Variants in GLIS1 observed in about 807,000 individuals in gnomAD.
GLIS1 encodes the protein zinc finger protein GLIS1.
In GLIS1, 24 loss-of-function variants were observed where a neutral mutation model predicts 63.8. The ratio of observed to expected loss-of-function variants is 0.38; its 90% CI spans 0.27 to 0.53. GLIS1 has a LOEUF of 0.53. Among genes scored for constraint, GLIS1 ranks in the 20% least tolerant of loss-of-function variants. The probability of loss-of-function intolerance (pLI) is 0.85; values close to 1 mark genes in which losing one functional copy is unlikely to be tolerated. For missense variants in GLIS1, 1,036 were observed against 1,074.1 expected (o/e 0.96, Z 0.50); for synonymous variants, 450 against 482.5 (o/e 0.93, Z 0.88).
chr1:53,548,447 T>C (rs1003520497), intron 4 of GLIS1, among the ~76,000 whole-genome samples: 3 of 152,242 alleles, frequency 2.0e-5, no homozygotes, highest in Admixed American at 2.0e-4. Context: ...GCTCCAGCTA[T>C]GCTAATACCC....
Position 53,650,149 on chromosome 1 carries a change from A to G in GLIS1, c.260-49871T>C, listed in dbSNP as rs1045381850. 5.3e-5 allele frequency among the ~76,000 whole-genome samples: 8 copies of G among 152,314 alleles called. No homozygotes were observed. The South Asian group carries it at 8.3e-4, about 16-fold the overall frequency. On this transcript the variant is annotated intron_variant, in intron 2 of 10. Coordinates refer to ENST00000628545, the MANE Select transcript of GLIS1 (RefSeq NM_001367484.1). ...GTTCAAGTCACAGTTTGGGTGGTTA[A>G]TTATATTGAAACAGGGGTGGGGGTG...
At chr1:53,736,233 T>C (rs1331902309) in intron 2 of GLIS1, among the ~76,000 whole-genome samples, 1 of 152,220 alleles carries the variant, frequency 6.6e-6, no homozygotes, top group African/African-American at 2.4e-5. Context: ...CTTAAAGATC[T>C]TTTATTTTGG....
chr1:53,675,601 A>G (rs4927027), intron 2 of GLIS1, among the ~76,000 whole-genome samples: 48,713 of 152,156 alleles, frequency 0.32, 8,769 homozygotes, highest in African/African-American at 0.5. Context: ...GTGCAAACAC[A>G]CAGGTGTCAC....
At chr1:53,692,221 G>A (rs917855796) in intron 2 of GLIS1, among the ~76,000 whole-genome samples, 26 of 152,222 alleles carry the variant, frequency 1.7e-4, no homozygotes, top group Admixed American at 3.3e-4. Flanking sequence ...CCCTTTGAAC[G>A]AAGCACACCA....
intron 2 of GLIS1, among the ~76,000 whole-genome samples, chr1:53,666,203 A>C (rs1241503244): frequency 6.6e-6 from 1 of 152,158 alleles, no homozygotes; most frequent in Non-Finnish European, 1.5e-5. Context: ...TCACCTGTTA[A>C]CTGAGCACCT....
At chr1:53,714,187 C>T (rs1348854672) in intron 2 of GLIS1, among the ~76,000 whole-genome samples, 1 of 152,180 alleles carries the variant, frequency 6.6e-6, no homozygotes, top group Non-Finnish European at 1.5e-5. Context: ...ACCACAAGCT[C>T]CAAGAATCGC....
At chr1:53,664,345 T>G (rs577226760) in intron 2 of GLIS1, among the ~76,000 whole-genome samples, 2 of 152,360 alleles carry the variant, frequency 1.3e-5, no homozygotes, top group African/African-American at 4.8e-5. Flanking sequence ...CAGAGTACGA[T>G]GTACTGCTGA....
intron 2 of GLIS1, among the ~76,000 whole-genome samples, chr1:53,649,881 C>T (rs1645887522): frequency 6.6e-6 from 1 of 152,158 alleles, no homozygotes; most frequent in Admixed American, 6.5e-5. Flanking sequence ...TTCTGATCAA[C>T]AGTAGGTCAT....
chr1:53,620,489 C>T (rs1645531299), intron 2 of GLIS1, among the ~76,000 whole-genome samples: 1 of 152,236 alleles, frequency 6.6e-6, no homozygotes, highest in Admixed American at 6.5e-5. Flanking sequence ...GCACAGGGAC[C>T]CCGTCGGCGG....
At chr1:53,711,547 G>C (rs188404820) in intron 2 of GLIS1, among the ~76,000 whole-genome samples, 1 of 152,116 alleles carries the variant, frequency 6.6e-6, no homozygotes, top group Admixed American at 6.5e-5. Context: ...CAGGGAGCTC[G>C]GGCCCCGGGG....
intron 4 of GLIS1, among the ~76,000 whole-genome samples, chr1:53,553,492 A>G (rs545733573): frequency 6.6e-6 from 1 of 152,350 alleles, no homozygotes; most frequent in Non-Finnish European, 1.5e-5. Context: ...CACAGTGGTG[A>G]GCAAGACACA....
intron 4 of GLIS1, among the ~76,000 whole-genome samples, chr1:53,548,823 G>A (rs772901473): frequency 3.9e-5 from 6 of 152,288 alleles, no homozygotes; most frequent in African/African-American, 7.2e-5. Flanking sequence ...TGAAGTATAC[G>A]ATTCAGTGAT....
rs372402173 is a variant in GLIS1 at position 53,506,685 on chromosome 1, G to A, written c.2322C>T (p.Gly774=). The change falls in exon 11 of 11, where the codon GGC becomes GGT. Residue 774 remains glycine (G), a synonymous_variant. Transcript: ENST00000628545. The part of the protein sequence containing the change: ...DVVSSGPEDC[G]FFPNGAFDHC... ...GGTCAAAGGCTCCATTGGGGAAGAA[G>A]CCACAGTCCTCGGGGCCGCTGGACA... is the stretch of plus-strand genomic sequence containing the variant. The A allele has an allele frequency of 6.2e-7, 1 of 1,613,484 alleles. No homozygotes were observed. The highest frequency in any genetic ancestry group is 1.3e-5 in the African/African-American group (1 of 74,928).
intron 2 of GLIS1, among the ~76,000 whole-genome samples, chr1:53,668,431 A>G (rs905694118): frequency 2.6e-4 from 40 of 152,122 alleles, no homozygotes; most frequent in Non-Finnish European, 1.0e-4. Context: ...GCATGATCTC[A>G]GCTCACTGCA....
chr1:53,711,713 G>A (rs753107830), intron 2 of GLIS1, among the ~76,000 whole-genome samples: 7 of 152,244 alleles, frequency 4.6e-5, no homozygotes, highest in Non-Finnish European at 7.3e-5. Flanking sequence ...TTGGTTCAGT[G>A]TGTGGCATGT....
chr1:53,655,106 G>A (rs970603274), intron 2 of GLIS1, among the ~76,000 whole-genome samples: 2 of 152,140 alleles, frequency 1.3e-5, no homozygotes, highest in Admixed American at 6.6e-5. Context: ...CCAGGCAGGA[G>A]GACCTGTCCT....
Position 53,520,647 on chromosome 1 carries a change from C to T in GLIS1, c.1713G>A (p.Gln571=), listed in dbSNP as rs1429167151. 5 of 1,609,834 alleles carry T rather than the reference C, an allele frequency of 3.1e-6. No homozygotes were observed. The highest frequency in any genetic ancestry group is 1.7e-5 in the Admixed American group (1 of 59,744). The change falls in exon 7 of 11, where the codon CAG becomes CAA. Residue 571 remains glutamine, a synonymous_variant. Coordinates refer to ENST00000628545, the MANE Select transcript of GLIS1 (RefSeq NM_001367484.1). ...CCGCACACGTACCTGGGAGCAGCTC[C>T]TGGCCCAGGCCACAGCCACCCTTGC... The part of the protein sequence containing the change: ...SDGKGGCGLG[Q]ELLPGVYPGS...
intron 2 of GLIS1, among the ~76,000 whole-genome samples, chr1:53,702,355 A>G (rs1646532653): frequency 6.6e-6 from 1 of 152,252 alleles, no homozygotes; most frequent in Non-Finnish European, 1.5e-5. Context: ...TGGCACACAG[A>G]AAGTGCTCAG....
chr1:53,678,603 A>G (rs1646241031), intron 2 of GLIS1, among the ~76,000 whole-genome samples: 1 of 152,192 alleles, frequency 6.6e-6, no homozygotes, highest in Non-Finnish European at 1.5e-5. Context: ...CATCACCTAC[A>G]GCCTGTCCAA....
Sources: gnomAD v4.1 joint callset for allele counts (sites outside exome capture counted in the v4.1 genomes callset) on GRCh38, gnomAD v4.1.1 for gene constraint, MANE v1.5 for transcripts, NCBI Gene and HGNC (gene_info 2026-07-23, HGNC 2026-07-21) for gene names.